The following RPS6KA2 variants were observed in gnomAD, a reference collection of about 807,000 sequenced individuals.
RPS6KA2 encodes ribosomal protein S6 kinase A2.
Under a neutral mutation model 91.8 loss-of-function variants are expected in RPS6KA2, and 42 were observed. The observed-to-expected ratio is 0.46, with a 90% confidence interval of 0.36 to 0.59. The LOEUF (loss-of-function observed/expected upper bound fraction) is 0.59. Ranked by LOEUF, RPS6KA2 falls within the 20% of genes least tolerant of loss-of-function variation. RPS6KA2 has a pLI of 0.00. For synonymous variants in RPS6KA2, 414 were observed against 393.6 expected, an observed-to-expected ratio of 1.05 and a Z score of -0.61; for missense variants, 798 against 978.5, an observed-to-expected ratio of 0.82 and a Z score of 2.46.
chr6:166,655,894 G>A (rs926775705), intron 2 of RPS6KA2, among the ~76,000 whole-genome samples: 1 of 152,198 alleles, frequency 6.6e-6, no homozygotes, highest in East Asian at 1.9e-4. Context: ...AGGTGCACTC[G>A]GAGACACGCC....
intron 11 of RPS6KA2, among the ~76,000 whole-genome samples, chr6:166,464,016 T>C (rs570835532): frequency 1.3e-5 from 2 of 152,216 alleles, no homozygotes; most frequent in African/African-American, 2.4e-5. Flanking sequence ...TCCTAGTGTA[T>C]ATAATGTAGG....
At chr6:166,615,102 A>G (rs1786355592) in intron 1 of RPS6KA2, among the ~76,000 whole-genome samples, 1 of 152,090 alleles carries the variant, frequency 6.6e-6, no homozygotes, top group Non-Finnish European at 1.5e-5. Flanking sequence ...GACTAGTCCT[A>G]CTTTATTTCC....
At chr6:166,616,119 A>T (rs1259875551) in intron 1 of RPS6KA2, among the ~76,000 whole-genome samples, 1 of 151,460 alleles carries the variant, frequency 6.6e-6, no homozygotes, top group Non-Finnish European at 1.5e-5. Flanking sequence ...GTCAGACCAC[A>T]CCCCGGCTGA....
At chr6:166,708,850 T>C (rs1008766551) in intron 2 of RPS6KA2, among the ~76,000 whole-genome samples, 1 of 152,262 alleles carries the variant, frequency 6.6e-6, no homozygotes, top group African/African-American at 2.4e-5. Context: ...GTCTCCACCA[T>C]TAATTTTCAT....
At position 166,437,797 on chromosome 6, in the gene RPS6KA2, C is replaced by T. The variant is rs148237152; in HGVS notation, c.1333-5307G>A. Among the ~76,000 whole-genome samples, 15 of 152,236 alleles carry T rather than the reference C, an allele frequency of 9.9e-5. No individual in the cohort carries two copies. The highest frequency in any genetic ancestry group is 1.9e-4 in the African/African-American group (8 of 41,546). On this transcript the variant is annotated intron_variant, in intron 14 of 20. Coordinates refer to ENST00000265678, the MANE Select transcript of RPS6KA2 (RefSeq NM_021135.6). This position sits in a 1 kb window ranked among gnomAD's most constrained non-coding sequence, Gnocchi z 4.3. ...GGCCGAAGGCGACAACAGGAGACTT[C>T]GCTGCTCTTGATAACACCTTTCCTC...
In RPS6KA2 at chr6:166,852,114, C is replaced by T. The variant is rs879669928; in HGVS notation, c.123+6086G>A. Among the ~76,000 whole-genome samples, 2 of 152,176 alleles carry T rather than the reference C, an allele frequency of 1.3e-5. No individual in the cohort carries two copies. Among genetic ancestry groups the T allele is most frequent in the Admixed American group, 1.3e-4 (2 of 15,268 alleles). On this transcript the variant is annotated intron_variant, in intron 2 of 21. Coordinates refer to the RPS6KA2 transcript ENST00000503859. The surrounding 1 kb of genome is among the most constrained non-coding windows in gnomAD (Gnocchi z 4.1). ...CGCTTTCCAGGAGGCATGATGCTTA[C>T]CCTACCCTTTTCTAGCATTTCTGCA...
At chr6:166,701,229 C>A in intron 2 of RPS6KA2, 1 of 1,612,156 alleles carries the variant, frequency 6.2e-7, no homozygotes. Context: ...TTTTGACAAC[C>A]ACTTGGTCAT....
intron 2 of RPS6KA2, among the ~76,000 whole-genome samples, chr6:166,683,773 G>A (rs1179890384): frequency 6.6e-6 from 1 of 152,258 alleles, no homozygotes; most frequent in Non-Finnish European, 1.5e-5. Flanking sequence ...TGATACGCTG[G>A]TAGCTGAATC....
At chr6:166,596,792 C>G (rs1273977117) in intron 1 of RPS6KA2, among the ~76,000 whole-genome samples, 1 of 152,182 alleles carries the variant, frequency 6.6e-6, no homozygotes, top group African/African-American at 2.4e-5. Context: ...TCTACAGAAC[C>G]CTGACTAATA....
chr6:166,799,949 C>T lies in RPS6KA2; in HGVS notation c.123+58251G>A, dbSNP rs541857263. Reference sequence around the variant, plus strand: ...AGTCCCCAGTAACAGGTCATGGCTGCGATCTCTCAGGAGATGCGCTAAGCA... The same window carrying T: ...AGTCCCCAGTAACAGGTCATGGCTGTGATCTCTCAGGAGATGCGCTAAGCA... On this transcript the variant is annotated intron_variant, in intron 2 of 21. Transcript: ENST00000503859. Among the ~76,000 whole-genome samples, 278 of 152,254 alleles carry T rather than the reference C, an allele frequency of 1.8e-3. 1 individual carries two copies. Among genetic ancestry groups the T allele is most frequent in the African/African-American group, 6.4e-3 (267 of 41,536 alleles).
At chr6:166,611,315 AAAT>A (rs757872104) in intron 1 of RPS6KA2, among the ~76,000 whole-genome samples, 29 of 152,242 alleles carry the variant, frequency 1.9e-4, no homozygotes, top group Non-Finnish European at 3.8e-4. Flanking sequence ...CCAATAACAC[AAAT>A]ACATTACCAG....
intron 2 of RPS6KA2, among the ~76,000 whole-genome samples, chr6:166,744,805 G>A (rs1233817133): frequency 6.6e-6 from 1 of 152,178 alleles, no homozygotes; most frequent in Admixed American, 6.5e-5. Flanking sequence ...CCTGACTCCA[G>A]TTGAAGACAC....
chr6:166,646,115 C>T (rs1055503601), intron 2 of RPS6KA2, among the ~76,000 whole-genome samples: 2 of 152,176 alleles, frequency 1.3e-5, no homozygotes, highest in African/African-American at 2.4e-5. Context: ...TGCCATGGTC[C>T]CTGAGCACTG....
exon 1 of RPS6KA2, chr6:166,862,132 G>T (rs745804752): frequency 1.2e-6 from 2 of 1,614,080 alleles, no homozygotes; most frequent in Admixed American, 1.7e-5. Flanking sequence ...GCTCCACCTC[G>T]ATCTTTTTCC....
At chr6:166,575,009 A>T (rs769334857) in intron 1 of RPS6KA2, among the ~76,000 whole-genome samples, 1 of 152,208 alleles carries the variant, frequency 6.6e-6, no homozygotes, top group Non-Finnish European at 1.5e-5. Context: ...CAAATAATTT[A>T]AAAATTTCCC....
intron 11 of RPS6KA2, among the ~76,000 whole-genome samples, chr6:166,468,966 T>C (rs1040323425): frequency 6.6e-6 from 1 of 151,728 alleles, no homozygotes; most frequent in Non-Finnish European, 1.5e-5. Context: ...TCTTTTGAGG[T>C]TAATTTGTTA....
At chr6:166,449,757 T>G (rs895539097) in intron 13 of RPS6KA2, among the ~76,000 whole-genome samples, 1 of 150,150 alleles carries the variant, frequency 6.7e-6, no homozygotes, top group Non-Finnish European at 1.5e-5. Context: ...CACCATGGAA[T>G]ACCACCACGG....
intron 1 of RPS6KA2, among the ~76,000 whole-genome samples, chr6:166,552,253 C>T (rs1054938495): frequency 6.6e-6 from 1 of 152,254 alleles, no homozygotes; most frequent in Non-Finnish European, 1.5e-5. Flanking sequence ...CTTATCCCCT[C>T]CTACCTCGCA....
At chr6:166,498,827 G>A (rs914395901) in intron 7 of RPS6KA2, among the ~76,000 whole-genome samples, 177 bp from the exon 8 acceptor site, 2 of 152,208 alleles carry the variant, frequency 1.3e-5, no homozygotes, top group South Asian at 2.1e-4. Context: ...GTCAGTGCCC[G>A]AAGCCCGCCG....
Sources: gnomAD v4.1 joint callset for allele counts (sites outside exome capture counted in the v4.1 genomes callset) on GRCh38, gnomAD v4.1.1 for gene constraint, Gnocchi (gnomAD v3.1) non-coding constraint, MANE v1.5 for transcripts, NCBI Gene and HGNC (gene_info 2026-07-23, HGNC 2026-07-21) for gene names.